Variants in CLSTN2 observed in about 807,000 individuals in gnomAD.
CLSTN2 encodes the protein calsyntenin-2.
In CLSTN2, 48 loss-of-function variants were observed where a neutral mutation model predicts 101.2. The observed-to-expected ratio is 0.47, with a 90% CI of 0.38 to 0.60. The LOEUF is 0.60. Ranked by LOEUF, CLSTN2 falls within the 20% of genes least tolerant of loss-of-function variation. The probability of loss-of-function intolerance (pLI) is 0.00; values close to 1 mark genes in which losing one functional copy is unlikely to be tolerated. For synonymous variants in CLSTN2, 481 were observed against 463.6 expected, an observed-to-expected ratio of 1.04 and a Z score of -0.48; for missense variants, 1,160 against 1,238.2, an observed-to-expected ratio of 0.94 and a Z score of 0.95.
chr3:139,977,146 C>A (rs148576000), intron 1 of CLSTN2, among the ~76,000 whole-genome samples: 2 of 152,166 alleles, frequency 1.3e-5, no homozygotes, highest in African/African-American at 4.8e-5. Flanking sequence ...GTGTTATTCC[C>A]GCTGTTTCCT....
intron 1 of CLSTN2, among the ~76,000 whole-genome samples, chr3:139,981,924 C>G (rs1038796727): frequency 2.0e-5 from 3 of 152,220 alleles, no homozygotes; most frequent in Admixed American, 6.5e-5. Flanking sequence ...ACCCTGACCC[C>G]TCCCTCTCTT....
At chr3:140,294,016 C>A (rs962179809) in intron 2 of CLSTN2, among the ~76,000 whole-genome samples, 1 of 152,116 alleles carries the variant, frequency 6.6e-6, no homozygotes, top group Non-Finnish European at 1.5e-5. Flanking sequence ...AAGCACTGAC[C>A]CTGGGCCTCC....
At position 140,274,458 on chromosome 3, in the gene CLSTN2, A is replaced by G. The variant is rs140999821; in HGVS notation, c.232+98385A>G. Among the ~76,000 whole-genome samples, 448 of 152,296 alleles carry G rather than the reference A, an allele frequency of 2.9e-3. 2 individuals are homozygous for G. The highest frequency in any genetic ancestry group is 0.01 in the African/African-American group (420 of 41,554). ...TTAAATTGGCCCCGTTTTATTTTGT[A>G]AAGTTGCCAACCATGAGCCAGCATC... On this transcript the variant is annotated intron_variant, in intron 2 of 16. Transcript: ENST00000458420.
intron 1 of CLSTN2, among the ~76,000 whole-genome samples, chr3:139,999,050 T>C (rs1473543400): frequency 6.6e-6 from 1 of 152,116 alleles, no homozygotes; most frequent in African/African-American, 2.4e-5. Context: ...CCCCGTGACC[T>C]ACCCGGCCTG....
chr3:140,563,896 G>C (rs1340412064), intron 15 of CLSTN2, 65 bp from the exon 16 acceptor site: 3 of 1,515,746 alleles, frequency 2.0e-6, no homozygotes, highest in Admixed American at 3.4e-5. Flanking sequence ...TTTCATTCAT[G>C]CTCCCTCACA....
chr3:140,138,582 C>G (rs970429251), intron 1 of CLSTN2, among the ~76,000 whole-genome samples: 2 of 152,180 alleles, frequency 1.3e-5, no homozygotes, highest in Admixed American at 1.3e-4. Flanking sequence ...ACAAACTCAT[C>G]AAGAATTAGA....
chr3:140,320,759 C>T (rs1246529154), intron 2 of CLSTN2, among the ~76,000 whole-genome samples: 2 of 152,028 alleles, frequency 1.3e-5, no homozygotes, highest in Non-Finnish European at 2.9e-5. Flanking sequence ...AGCCCTGAAC[C>T]ATGTCAAAAG....
chr3:140,389,291 T>C lies in CLSTN2; in HGVS notation c.233-14338T>C, dbSNP rs370621992. Among the ~76,000 whole-genome samples the C allele has an allele frequency of 2.0e-5, 3 of 152,254 alleles. No individual in the cohort carries two copies. In the East Asian group the frequency reaches 5.8e-4, roughly 29 times the overall value. The stretch of plus-strand genomic sequence containing the variant: ...ATATTTATTCTGACGTGCTCCCTCC[T>C]CCCACACCCCTGACAGGCCCCAGTG... On this transcript the variant is annotated intron_variant, in intron 2 of 16. Transcript: ENST00000458420.
chr3:140,234,376 T>G (rs572779117), intron 2 of CLSTN2, among the ~76,000 whole-genome samples: 1 of 152,214 alleles, frequency 6.6e-6, no homozygotes, highest in Admixed American at 6.5e-5. Flanking sequence ...TGCCTGTGCC[T>G]AAATTTGGTC....
At chr3:140,325,131 C>T (rs556021659) in intron 2 of CLSTN2, among the ~76,000 whole-genome samples, 2 of 152,312 alleles carry the variant, frequency 1.3e-5, no homozygotes, top group South Asian at 4.1e-4. Context: ...CTCCTGGACT[C>T]AAGAGATCTT....
chr3:140,251,587 C>T (rs2086564162), intron 2 of CLSTN2, among the ~76,000 whole-genome samples: 1 of 140,118 alleles, frequency 7.1e-6, no homozygotes, highest in Non-Finnish European at 1.5e-5. Context: ...AGCTTCCGTT[C>T]CTTTCCTTTC....
chr3:139,964,711 G>GTCT (rs1048074811), intron 1 of CLSTN2, among the ~76,000 whole-genome samples: 2 of 152,148 alleles, frequency 1.3e-5, no homozygotes, highest in Non-Finnish European at 2.9e-5. Flanking sequence ...TGACTCCTGT[G>GTCT]TCTTCTCCCA....
At chr3:140,053,100 C>G (rs1426856271) in intron 1 of CLSTN2, among the ~76,000 whole-genome samples, 1 of 152,158 alleles carries the variant, frequency 6.6e-6, no homozygotes, top group African/African-American at 2.4e-5. Context: ...CTGTCATTCT[C>G]GGGTGAGGGA....
intron 2 of CLSTN2, among the ~76,000 whole-genome samples, chr3:140,187,196 C>A (rs939417407): frequency 1.3e-5 from 2 of 152,146 alleles, no homozygotes; most frequent in Non-Finnish European, 2.9e-5. Context: ...GTCATATCTG[C>A]ACTGAGGCTG....
At chr3:140,180,275 G>C (rs550027797) in intron 2 of CLSTN2, among the ~76,000 whole-genome samples, 2 of 152,322 alleles carry the variant, frequency 1.3e-5, no homozygotes, top group Middle Eastern at 3.4e-3. Context: ...GTTGAATCTA[G>C]AGCCAGGGCT....
At chr3:140,106,425 T>A (rs1481691928) in intron 1 of CLSTN2, among the ~76,000 whole-genome samples, 1 of 152,228 alleles carries the variant, frequency 6.6e-6, no homozygotes, top group Non-Finnish European at 1.5e-5. Context: ...AGATGTCCAC[T>A]GCCTCTGTCT....
intron 2 of CLSTN2, among the ~76,000 whole-genome samples, chr3:140,334,924 G>A (rs1006877): frequency 0.36 from 54,693 of 152,104 alleles, 11,905 homozygotes; most frequent in Non-Finnish European, 0.5. Context: ...TGCGGTCATC[G>A]TTACCATTTG....
At chr3:140,092,765 A>G (rs1049728660) in intron 1 of CLSTN2, among the ~76,000 whole-genome samples, 3 of 152,226 alleles carry the variant, frequency 2.0e-5, no homozygotes, top group Non-Finnish European at 1.5e-5. Flanking sequence ...AAGCTCATCC[A>G]GTGCTCACCA....
chr3:140,212,489 T>C (rs1045116883), intron 2 of CLSTN2, among the ~76,000 whole-genome samples: 3 of 152,230 alleles, frequency 2.0e-5, no homozygotes, highest in Non-Finnish European at 4.4e-5. Flanking sequence ...AGAATGCCTA[T>C]AGGCCCTGTT....
Sources: gnomAD v4.1 joint callset for allele counts (sites outside exome capture counted in the v4.1 genomes callset) on GRCh38, gnomAD v4.1.1 for gene constraint, MANE v1.5 for transcripts, NCBI Gene and HGNC (gene_info 2026-07-23, HGNC 2026-07-21) for gene names.